Variants in SDHAF3 observed in about 807,000 individuals in gnomAD.
SDHAF3 encodes succinate dehydrogenase complex assembly factor 3.
SDHAF3 carries 18 observed loss-of-function variants against 11.5 expected under a neutral mutation model. The ratio of observed to expected loss-of-function variants is 1.56; its 90% CI spans 1.08 to 2.32. The LOEUF (loss-of-function observed/expected upper bound fraction) is 2.32, where lower values mean the gene tolerates loss of function less well. Ranked by LOEUF, SDHAF3 falls within the 30% of genes most tolerant of loss-of-function variation. SDHAF3 has a pLI of 0.00. For missense variants in SDHAF3, 200 were observed against 154.4 expected, an observed-to-expected ratio of 1.30 and a Z score of -1.57; for synonymous variants, 72 against 59.3, an observed-to-expected ratio of 1.21 and a Z score of -0.99.
intron 1 of SDHAF3, among the ~76,000 whole-genome samples, chr7:97,143,792 T>C (rs1584218905): frequency 6.6e-6 from 1 of 152,174 alleles, no homozygotes; most frequent in Non-Finnish European, 1.5e-5. Flanking sequence ...TAAACATGCA[T>C]GTGCAAGTAT....
rs958700039 is a variant in SDHAF3 at position 97,125,884 on chromosome 7, G to A, written c.174+7987G>A. Among the ~76,000 whole-genome samples, 6 of 152,214 alleles carry A rather than the reference G, an allele frequency of 3.9e-5. 1 individual carries two copies. The highest frequency in any genetic ancestry group is 1.2e-4 in the African/African-American group (5 of 41,456). On this transcript the variant is annotated intron_variant, in intron 1 of 1. Coordinates refer to ENST00000432641, the MANE Select transcript of SDHAF3 (RefSeq NM_020186.3). ...CCAGTTTTGTGTCCTTGCTGGAGAG[G>A]AGTTGCAATCATTTGGAGGAGAAGA...
At chr7:97,180,711 A>G (rs1212316612) in intron 1 of SDHAF3, among the ~76,000 whole-genome samples, 1 of 152,214 alleles carries the variant, frequency 6.6e-6, no homozygotes, top group Non-Finnish European at 1.5e-5. Flanking sequence ...ACAATTTTGC[A>G]TATGGTTTGA....
At chr7:97,167,191 G>C (rs990201914) in intron 1 of SDHAF3, among the ~76,000 whole-genome samples, 1 of 152,136 alleles carries the variant, frequency 6.6e-6, no homozygotes, top group African/African-American at 2.4e-5. Flanking sequence ...GAGGTGACTG[G>C]ATTATGGGGC....
chr7:97,149,742 AG>A (rs1187919287), intron 1 of SDHAF3, among the ~76,000 whole-genome samples: 21 of 152,152 alleles, frequency 1.4e-4, no homozygotes, highest in Non-Finnish European at 2.4e-4. Context: ...CTGAATGATG[AG>A]GGGGGTAGTT....
At chr7:97,156,457 G>T (rs994703295) in intron 1 of SDHAF3, among the ~76,000 whole-genome samples, 3 of 152,146 alleles carry the variant, frequency 2.0e-5, no homozygotes, top group Non-Finnish European at 4.4e-5. Context: ...TCTTTTGCTT[G>T]TGCTTGCATT....
At chr7:97,145,053 T>C (rs181571889) in intron 1 of SDHAF3, among the ~76,000 whole-genome samples, 3 of 151,622 alleles carry the variant, frequency 2.0e-5, no homozygotes, top group African/African-American at 4.8e-5. Flanking sequence ...ATTTTTTGTT[T>C]TTTTTTTTTT....
chr7:97,180,969 A>G, intron 1 of SDHAF3, 43 bp from the exon 2 acceptor site: 2 of 1,517,484 alleles, frequency 1.3e-6, no homozygotes, highest in Non-Finnish European at 1.8e-6. Context: ...GTTAAATATT[A>G]TTTAAACTTT....
chr7:97,129,043 G>A (rs1007050795), intron 1 of SDHAF3, among the ~76,000 whole-genome samples: 3 of 152,154 alleles, frequency 2.0e-5, no homozygotes, highest in Non-Finnish European at 4.4e-5. Flanking sequence ...GTGTAGAAGG[G>A]CTTATAATAA....
rs1228077393 is a variant in SDHAF3, at chr7:97,143,451, C to A, written c.174+25554C>A. Among the ~76,000 whole-genome samples the A allele has an allele frequency of 3.3e-5, 5 of 152,134 alleles. No homozygotes were observed. The East Asian group carries it at 9.7e-4, about 30-fold the overall frequency. ...TATTTGTAGTCTTTTATCCCTCACA[C>A]CCCTCCCACTCTTTCCCCCAAGTCC... On this transcript the variant is annotated intron_variant, in intron 1 of 1. Coordinates refer to ENST00000432641, the MANE Select transcript of SDHAF3 (RefSeq NM_020186.3).
At chr7:97,161,006 A>T (rs1237760975) in intron 1 of SDHAF3, among the ~76,000 whole-genome samples, 3 of 151,346 alleles carry the variant, frequency 2.0e-5, no homozygotes, top group African/African-American at 7.3e-5. Flanking sequence ...TTTTACAGGG[A>T]TGCAAAAGTG....
intron 1 of SDHAF3, among the ~76,000 whole-genome samples, chr7:97,150,809 G>T (rs904007092): frequency 6.6e-6 from 1 of 151,822 alleles, no homozygotes; most frequent in East Asian, 1.9e-4. Context: ...TGATCCTTCC[G>T]CCATGGCCTC....
At chr7:97,138,923 T>C (rs1788975493) in intron 1 of SDHAF3, among the ~76,000 whole-genome samples, 1 of 152,180 alleles carries the variant, frequency 6.6e-6, no homozygotes, top group African/African-American at 2.4e-5. Flanking sequence ...CATGCCTGGC[T>C]TGCACTCTGG....
chr7:97,174,668 G>C (rs545644941), intron 1 of SDHAF3, among the ~76,000 whole-genome samples: 2 of 152,132 alleles, frequency 1.3e-5, no homozygotes, highest in African/African-American at 4.8e-5. Context: ...AACTTTATCT[G>C]ATGTTTTCTT....
At chr7:97,162,809 A>C (rs1420077627) in intron 1 of SDHAF3, among the ~76,000 whole-genome samples, 1 of 152,128 alleles carries the variant, frequency 6.6e-6, no homozygotes, top group Non-Finnish European at 1.5e-5. Context: ...TTTACTTCCA[A>C]TTATGTGGTC....
At chr7:97,131,873 A>G (rs1409451095) in intron 1 of SDHAF3, among the ~76,000 whole-genome samples, 2 of 152,186 alleles carry the variant, frequency 1.3e-5, no homozygotes, top group Non-Finnish European at 2.9e-5. Context: ...AAATTACTGT[A>G]GATATCCAAT....
At chr7:97,161,602 C>T (rs1172706393) in intron 1 of SDHAF3, among the ~76,000 whole-genome samples, 1 of 152,130 alleles carries the variant, frequency 6.6e-6, no homozygotes, top group Non-Finnish European at 1.5e-5. Flanking sequence ...CACCCTCTGA[C>T]AGGCCCTGGT....
intron 1 of SDHAF3, among the ~76,000 whole-genome samples, chr7:97,122,980 T>A (rs74688374): frequency 0.012 from 1,807 of 152,278 alleles, 37 homozygotes; most frequent in African/African-American, 0.04. Flanking sequence ...AGTACTTTTT[T>A]ACTTTTTAAA....
At chr7:97,133,555 C>A (rs1254519934) in intron 1 of SDHAF3, among the ~76,000 whole-genome samples, 1 of 152,118 alleles carries the variant, frequency 6.6e-6, no homozygotes, top group African/African-American at 2.4e-5. Context: ...TAAGTTTGCC[C>A]TCAATCCTTT....
intron 1 of SDHAF3, among the ~76,000 whole-genome samples, chr7:97,159,569 A>C (rs1314431278): frequency 1.3e-5 from 2 of 152,222 alleles, no homozygotes; most frequent in Non-Finnish European, 2.9e-5. Context: ...CTTGTCCTCC[A>C]GGAAATCACC....
Sources: allele counts gnomAD v4.1 joint callset (sites outside exome capture counted in the v4.1 genomes callset), GRCh38; gene constraint gnomAD v4.1.1; transcripts MANE v1.5; gene names NCBI Gene and HGNC (gene_info 2026-07-23, HGNC 2026-07-21).